The following GAN variants were observed in gnomAD, a reference collection of about 807,000 sequenced individuals.
The protein encoded by GAN is gigaxonin.
A neutral mutation model predicts 71.3 loss-of-function variants in GAN; 48 were observed. That is an observed-to-expected ratio of 0.67 (90% CI 0.53 to 0.86). The LOEUF is 0.86. Ranked by LOEUF, GAN falls within the 40% of genes least tolerant of loss-of-function variation. GAN has a pLI of 0.00. For synonymous variants in GAN, 386 were observed against 276.8 expected, an observed-to-expected ratio of 1.39 and a Z score of -3.92; for missense variants, 928 against 770.1, an observed-to-expected ratio of 1.21 and a Z score of -2.43.
intron 1 of GAN, among the ~76,000 whole-genome samples, chr16:81,329,717 A>G (rs749160543): frequency 7.2e-5 from 11 of 152,102 alleles, no homozygotes; most frequent in Non-Finnish European, 1.5e-4. Context: ...CTCTTGTCCC[A>G]TGTTCCTCAC....
chr16:81,377,644 C>G lies in GAN; in HGVS notation c.*48C>G. 6.6e-7 allele frequency: 1 copy of G among 1,524,226 alleles called. No individual in the cohort carries two copies. The highest frequency in any genetic ancestry group is 9.1e-7 in the Non-Finnish European group (1 of 1,098,768). 94.4% of individuals were successfully genotyped at this position (1,524,226 alleles called of 1,614,324 possible). ...AGATCCTGACCCAAGAGCACCATAA[C>G]ATAGCTCCGAAAGGGAGAGCAGAGA... is the stretch of plus-strand genomic sequence containing the variant. On this transcript the variant is annotated 3_prime_UTR_variant, in exon 11 of 11. Coordinates refer to ENST00000648994, the MANE Select transcript of GAN (RefSeq NM_022041.4).
At chr16:81,328,675 A>G (rs1212343285) in intron 1 of GAN, among the ~76,000 whole-genome samples, 1 of 147,848 alleles carries the variant, frequency 6.8e-6, no homozygotes, top group Non-Finnish European at 1.5e-5. Context: ...ATCTATCACC[A>G]TTTTTTTTAG....
At chr16:81,332,912 T>C (rs1352884740) in intron 1 of GAN, among the ~76,000 whole-genome samples, 3 of 152,176 alleles carry the variant, frequency 2.0e-5, no homozygotes, top group African/African-American at 4.8e-5. Flanking sequence ...AACATTGGTA[T>C]TGTTCAGTTT....
chr16:81,379,817 C>G lies in GAN; in HGVS notation c.*2221C>G, dbSNP rs983698080. 6.6e-6 allele frequency: 1 copy of G among 152,110 alleles called. No homozygotes were observed. The highest frequency in any genetic ancestry group is 2.4e-5 in the African/African-American group (1 of 41,422). The allele number at this position is 152,110 out of a possible 1,614,324, so 9.4% of individuals were successfully genotyped here. On this transcript the variant is annotated 3_prime_UTR_variant, in exon 11 of 11. Coordinates refer to ENST00000648994, the MANE Select transcript of GAN (RefSeq NM_022041.4). ...GTTTTTTTTCCAGTCTACACCAGGCCTCTCCAAGGAGACAGTTCATTATTT... is the reference window on the plus strand; with the variant it reads ...GTTTTTTTTCCAGTCTACACCAGGCGTCTCCAAGGAGACAGTTCATTATTT...
chr16:81,319,299 A>G (rs1001432358), intron 1 of GAN, among the ~76,000 whole-genome samples: 4 of 151,014 alleles, frequency 2.6e-5, no homozygotes, highest in Non-Finnish European at 2.9e-5. Flanking sequence ...CTTTCTCATC[A>G]ACTCTGAGAC....
In GAN at chr16:81,339,250, GT is replaced by G. The variant is rs1909864112; in HGVS notation, c.168-12329del. Among the ~76,000 whole-genome samples the G allele has an allele frequency of 5.9e-5, 9 of 152,284 alleles. No individual in the cohort carries two copies. In the South Asian group the frequency reaches 1.9e-3, roughly 32 times the overall value. On this transcript the variant is annotated intron_variant, in intron 1 of 10. Coordinates refer to ENST00000648994, the MANE Select transcript of GAN (RefSeq NM_022041.4). Reference sequence around the variant, plus strand: ...CAACCTTCTGAATCAGAAAAACCTTGTTTTGAACAGTTCCCAGTTGAATTGT... The same window carrying G: ...CAACCTTCTGAATCAGAAAAACCTTGTTTGAACAGTTCCCAGTTGAATTGT...
At chr16:81,353,378 T>G (rs1431742597) in intron 2 of GAN, among the ~76,000 whole-genome samples, 1 of 152,098 alleles carries the variant, frequency 6.6e-6, no homozygotes, top group Non-Finnish European at 1.5e-5. Context: ...CAGTTGAGTG[T>G]TTTTTTCACG....
intron 1 of GAN, among the ~76,000 whole-genome samples, chr16:81,318,939 G>T (rs1344808970): frequency 6.6e-6 from 1 of 151,628 alleles, no homozygotes; most frequent in African/African-American, 2.4e-5. Flanking sequence ...CCCTTTCCCA[G>T]CATGCTCCTT....
intron 2 of GAN, among the ~76,000 whole-genome samples, chr16:81,354,168 G>A (rs755280154): frequency 1.9e-3 from 295 of 152,032 alleles, no homozygotes; most frequent in Non-Finnish European, 2.1e-3. Flanking sequence ...GGTTGACATT[G>A]GTACAGCAAG....
chr16:81,375,447 C>T (rs924208262), intron 9 of GAN, among the ~76,000 whole-genome samples: 2 of 151,376 alleles, frequency 1.3e-5, no homozygotes, highest in Non-Finnish European at 2.9e-5. Flanking sequence ...AGCAATCCTC[C>T]CACCTCAGCC....
intron 1 of GAN, among the ~76,000 whole-genome samples, chr16:81,343,369 TA>T (rs1284123977): frequency 1.3e-5 from 2 of 152,162 alleles, no homozygotes; most frequent in Non-Finnish European, 2.9e-5. Context: ...AAATCCTCAA[TA>T]AAATACTGGC....
chr16:81,330,978 G>A (rs1485251565), intron 1 of GAN, among the ~76,000 whole-genome samples: 1 of 152,174 alleles, frequency 6.6e-6, no homozygotes. Flanking sequence ...GGCTAAAGCA[G>A]GAGGGTTGCT....
chr16:81,375,720 C>T (rs2150697668), intron 9 of GAN, among the ~76,000 whole-genome samples: 1 of 151,916 alleles, frequency 6.6e-6, no homozygotes, highest in African/African-American at 2.4e-5. Flanking sequence ...AATCCCAGTA[C>T]TTTAGGAGGC....
Position 81,335,452 on chromosome 16 carries a change from A to G in GAN, c.168-16131A>G, listed in dbSNP as rs909786701. ...GGCAACATGGTGAAACCCTGTGTCT[A>G]CTAAAAATACATGGCCGGGCATGGT... On this transcript the variant is annotated intron_variant, in intron 1 of 10. Transcript: ENST00000648994. Among the ~76,000 whole-genome samples, 120 of 152,224 alleles carry G rather than the reference A, an allele frequency of 7.9e-4. 1 individual carries two copies. Among genetic ancestry groups the G allele is most frequent in the African/African-American group, 2.6e-3 (108 of 41,528 alleles).
chr16:81,351,516 A>G, intron 1 of GAN, 67 bp from the exon 2 acceptor site: 1 of 771,000 alleles, frequency 1.3e-6, no homozygotes, highest in Non-Finnish European at 2.4e-6. Flanking sequence ...TAGAGTTTTG[A>G]GTACATAAAT....
At chr16:81,370,388 C>G (rs1407764822) in intron 9 of GAN, among the ~76,000 whole-genome samples, 1 of 152,196 alleles carries the variant, frequency 6.6e-6, no homozygotes, top group Non-Finnish European at 1.5e-5. Context: ...CCACACCAGT[C>G]TTTTGAACAG....
At chr16:81,350,088 T>A (rs1046993255) in intron 1 of GAN, among the ~76,000 whole-genome samples, 12 of 152,130 alleles carry the variant, frequency 7.9e-5, no homozygotes, top group African/African-American at 2.7e-4. Context: ...CTTTTTTTTT[T>A]AAGTTTTTTA....
intron 1 of GAN, among the ~76,000 whole-genome samples, chr16:81,337,315 A>G (rs1197607994): frequency 2.0e-5 from 3 of 152,220 alleles, no homozygotes; most frequent in East Asian, 3.8e-4. Flanking sequence ...AGTAATGCCC[A>G]TGAATCACCC....
chr16:81,365,215 C>G, intron 8 of GAN, 105 bp downstream of exon 8: 1 of 1,566,044 alleles, frequency 6.4e-7, no homozygotes, highest in Non-Finnish European at 8.8e-7. Context: ...GTAACCTTTT[C>G]TTTGACTTGG....
Sources: gnomAD v4.1 joint callset for allele counts (sites outside exome capture counted in the v4.1 genomes callset) on GRCh38, gnomAD v4.1.1 for gene constraint, MANE v1.5 for transcripts, NCBI Gene and HGNC (gene_info 2026-07-23, HGNC 2026-07-21) for gene names.